The following BBS2 variants were observed in gnomAD, a reference collection of about 807,000 sequenced individuals.
BBS2 encodes the protein Bardet-Biedl syndrome 2.
BBS2 carries 62 observed loss-of-function variants against 83.0 expected under a neutral mutation model. That is an observed-to-expected ratio of 0.75 (90% CI 0.61 to 0.92). BBS2 has a LOEUF of 0.92. Ranked by LOEUF, BBS2 falls within the 40% of genes least tolerant of loss-of-function variation. BBS2 has a pLI of 0.00. For synonymous variants in BBS2, 303 were observed against 326.1 expected (o/e 0.93, Z 0.76); for missense variants, 784 against 901.0 (o/e 0.87, Z 1.66).
rs183275652 is a variant in BBS2, at chr16:56,510,003, C to A, written c.566G>T (p.Arg189Leu). ...CACAATCTCATCTTCCTTAAAAACT[C>A]GGATATCAAAATCCTCAGATCCAAC... Reference protein sequence around the residue: ...LLVGSEDFDIRVFKEDEIVAE... With the variant: ...LLVGSEDFDILVFKEDEIVAE... The change falls in exon 5 of 17, where the codon CGA becomes CTA. Residue 189 changes from arginine to leucine, a missense_variant. Transcript: ENST00000245157. 6.8e-6 allele frequency: 11 copies of A among 1,614,068 alleles called. No individual in the cohort carries two copies. The East Asian group carries it at 2.5e-4, about 36-fold the overall frequency.
intron 5 of BBS2, among the ~76,000 whole-genome samples, chr16:56,509,076 T>A (rs1003068312): frequency 6.6e-6 from 1 of 152,194 alleles, no homozygotes; most frequent in Non-Finnish European, 1.5e-5. Flanking sequence ...AGTACTGAAT[T>A]TGCAGGAAGA....
intron 7 of BBS2, among the ~76,000 whole-genome samples, chr16:56,503,500 TCA>T: frequency 6.6e-6 from 1 of 152,322 alleles, no homozygotes; most frequent in Middle Eastern, 3.4e-3. Flanking sequence ...TAAAAACTAT[TCA>T]GATACTTTAG....
rs771297756 is a variant in BBS2 at position 56,484,901 on chromosome 16, T to G, written c.2060-34A>C. 4 of 1,505,136 alleles carry G rather than the reference T, an allele frequency of 2.7e-6. No individual in the cohort carries two copies. The South Asian group carries it at 3.4e-5, about 13-fold the overall frequency. The allele number at this position is 1,505,136 out of a possible 1,614,324, so 93.2% of individuals were successfully genotyped here. A position where few individuals can be genotyped will look rare whatever the true frequency, so the allele number is the denominator to read the frequency against. ...GAAGAAACATCAGGAACCAAAAGAT[T>G]GTTAGACATGAAATTATAAAATTAG... is the stretch of plus-strand genomic sequence containing the variant. On this transcript the variant is annotated intron_variant, in intron 16 of 16. Coordinates refer to ENST00000245157, the MANE Select transcript of BBS2 (RefSeq NM_031885.5).
chr16:56,495,652 T>C (rs1412808654), intron 15 of BBS2, among the ~76,000 whole-genome samples: 1 of 152,232 alleles, frequency 6.6e-6, no homozygotes, highest in Non-Finnish European at 1.5e-5. Flanking sequence ...TGTCCACATT[T>C]ATAAGACAAC....
chr16:56,472,351 A>G (rs1414256071), intron 17 of BBS2, among the ~76,000 whole-genome samples: 4 of 152,200 alleles, frequency 2.6e-5, no homozygotes, highest in African/African-American at 7.2e-5. Context: ...ATGGGCAGCC[A>G]AAAGATGCTT....
At chr16:56,483,334 T>C (rs1046948507), downstream of BBS2, among the ~76,000 whole-genome samples, 3 of 152,172 alleles carry the variant, frequency 2.0e-5, no homozygotes, top group South Asian at 2.1e-4. Flanking sequence ...CCTTGTCAAA[T>C]AGTGTTCCAA....
intron 15 of BBS2, among the ~76,000 whole-genome samples, chr16:56,494,524 C>T (rs1286916801): frequency 6.6e-6 from 1 of 152,082 alleles, no homozygotes; most frequent in Admixed American, 6.5e-5. Flanking sequence ...TGGCTGGTTC[C>T]ATATGAAGAC....
At chr16:56,518,151 T>C (rs1964805117) in intron 1 of BBS2, among the ~76,000 whole-genome samples, 1 of 152,106 alleles carries the variant, frequency 6.6e-6, no homozygotes, top group South Asian at 2.1e-4. Context: ...ATAACTAACA[T>C]CATGATGTGC....
intron 5 of BBS2, 135 bp downstream of exon 5, chr16:56,509,822 C>T (rs1964527247): frequency 1.2e-6 from 1 of 805,588 alleles, no homozygotes; most frequent in African/African-American, 1.7e-5. Flanking sequence ...ACAGCTCTGT[C>T]TGACCCCCTC....
At position 56,484,700 on chromosome 16, in the gene BBS2, C is replaced by T. The variant is rs1378967625; in HGVS notation, c.*61G>A. ...TCACCAGGGTGTGATCCAAAGCAAA[C>T]CAGCATAGGTTTTTAACAGAAAATC... On this transcript the variant is annotated 3_prime_UTR_variant, in exon 17 of 17. Coordinates refer to ENST00000245157, the MANE Select transcript of BBS2 (RefSeq NM_031885.5). 18 of 1,479,934 alleles carry T rather than the reference C, an allele frequency of 1.2e-5. No individual in the cohort carries two copies. In the East Asian group the frequency reaches 3.0e-4, roughly 24 times the overall value. 91.7% of individuals were successfully genotyped at this position (1,479,934 alleles called of 1,614,324 possible).
Position 56,502,746 on chromosome 16 carries a change from A to G in BBS2, c.867T>C (p.Ile289=). The G allele has an allele frequency of 6.2e-7, 1 of 1,614,188 alleles. No homozygotes were observed. The highest frequency in any genetic ancestry group is 8.5e-7 in the Non-Finnish European group (1 of 1,180,036). ...VIFKDNFSSA[I]AGVVEGDYRM... ...GGTAATCTCCCTCTACCACACCGGC[A>G]ATTGCAGAAGAAAAATTGTCCTTAA... Residue 289 remains isoleucine, a synonymous_variant, in exon 8 of 17, where the codon ATT becomes ATC. Coordinates refer to ENST00000245157, the MANE Select transcript of BBS2 (RefSeq NM_031885.5).
chr16:56,511,069 T>C lies in BBS2; in HGVS notation c.471+90A>G, dbSNP rs112436021. On this transcript the variant is annotated intron_variant, in intron 3 of 16. Coordinates refer to ENST00000245157, the MANE Select transcript of BBS2 (RefSeq NM_031885.5). ...CTTTTTTAATGCACAGAATTATAAA[T>C]ATTATTACTCAGTAGAGTTGGTGGT... 93 of 1,581,392 alleles carry C rather than the reference T, an allele frequency of 5.9e-5. 1 individual carries two copies. The African/African-American group carries it at 8.9e-4, about 15-fold the overall frequency.
chr16:56,495,433 T>C (rs1449918667), intron 15 of BBS2, among the ~76,000 whole-genome samples: 1 of 152,164 alleles, frequency 6.6e-6, no homozygotes, highest in African/African-American at 2.4e-5. Context: ...TACCATTATC[T>C]TTCTATACAG....
chr16:56,478,126 C>T (rs934532671), intron 17 of BBS2: 2 of 152,068 alleles, frequency 1.3e-5, no homozygotes, highest in African/African-American at 2.4e-5. Flanking sequence ...CATATGGTAA[C>T]GAACCATTTT....
At chr16:56,499,706 C>T (rs1396200704) in intron 12 of BBS2, 72 bp downstream of exon 12, 2 of 1,589,232 alleles carry the variant, frequency 1.3e-6, no homozygotes, top group Non-Finnish European at 1.7e-6. Flanking sequence ...ATGTAATTTT[C>T]CCTTTCTATG....
downstream of BBS2, among the ~76,000 whole-genome samples, chr16:56,481,792 T>C (rs1225426048): frequency 6.6e-6 from 1 of 152,226 alleles, no homozygotes; most frequent in African/African-American, 2.4e-5. Flanking sequence ...GGTAGTTGCA[T>C]GTTTTATGAA....
chr16:56,478,504 C>T (rs1963575491), intron 17 of BBS2: 1 of 152,144 alleles, frequency 6.6e-6, no homozygotes, highest in Non-Finnish European at 1.5e-5. Context: ...ACTCACTTGC[C>T]TTCTGATGTG....
intron 1 of BBS2, among the ~76,000 whole-genome samples, chr16:56,516,556 C>T (rs1468765143): frequency 6.6e-6 from 1 of 152,072 alleles, no homozygotes; most frequent in Admixed American, 6.6e-5. Flanking sequence ...GCCACTACGC[C>T]CAGCTAATTT....
chr16:56,492,778 TG>T (rs1385888120), intron 15 of BBS2, among the ~76,000 whole-genome samples: 2 of 152,200 alleles, frequency 1.3e-5, no homozygotes, highest in Non-Finnish European at 2.9e-5. Context: ...ACATTGCTTA[TG>T]GGAATACAAA....
Sources: gnomAD v4.1 joint callset for allele counts (sites outside exome capture counted in the v4.1 genomes callset) on GRCh38, gnomAD v4.1.1 for gene constraint, MANE v1.5 for transcripts, NCBI Gene and HGNC (gene_info 2026-07-23, HGNC 2026-07-21) for gene names.